PLD5: variants seen among roughly 807,000 people sequenced by gnomAD.
PLD5 encodes phospholipase D family member 5.
Under a neutral mutation model 61.1 loss-of-function variants are expected in PLD5, and 36 were observed. The observed-to-expected ratio is 0.59, with a 90% CI of 0.45 to 0.78. The LOEUF (loss-of-function observed/expected upper bound fraction) is 0.78, where lower values mean the gene tolerates loss of function less well. Among genes scored for constraint, PLD5 ranks in the 30% least tolerant of loss-of-function variants. The pLI, the probability that PLD5 is intolerant of heterozygous loss-of-function variation, is 0.00. For synonymous variants in PLD5, 243 were observed against 242.8 expected (o/e 1.00, Z -0.01); for missense variants, 515 against 644.4 (o/e 0.80, Z 2.17).
At chr1:242,488,619 T>C (rs1273768501) in intron 1 of PLD5, among the ~76,000 whole-genome samples, 1 of 152,164 alleles carries the variant, frequency 6.6e-6, no homozygotes, top group Non-Finnish European at 1.5e-5. Flanking sequence ...ACTATTGTGA[T>C]GGCAGTGAAA....
At chr1:242,437,721 A>G (rs556317202) in intron 1 of PLD5, among the ~76,000 whole-genome samples, 1 of 152,314 alleles carries the variant, frequency 6.6e-6, no homozygotes, top group South Asian at 2.1e-4. Context: ...ACAGCTAATA[A>G]GTACTTACTA....
At chr1:242,383,741 T>C (rs1473270931) in intron 1 of PLD5, among the ~76,000 whole-genome samples, 1 of 152,188 alleles carries the variant, frequency 6.6e-6, no homozygotes, top group African/African-American at 2.4e-5. Context: ...AAGACGAGGC[T>C]GCATTCAGGC....
intron 2 of PLD5, among the ~76,000 whole-genome samples, chr1:242,302,370 G>A (rs139903208): frequency 0.011 from 1,696 of 152,226 alleles, 31 homozygotes; most frequent in African/African-American, 0.038. Flanking sequence ...AAAATGTATT[G>A]TTATTTACTG....
intron 1 of PLD5, among the ~76,000 whole-genome samples, chr1:242,479,427 C>T (rs955070940): frequency 3.3e-5 from 5 of 152,124 alleles, no homozygotes; most frequent in African/African-American, 1.2e-4. Flanking sequence ...GTAGAACTTA[C>T]AGGACCGTTG....
chr1:242,467,206 A>T (rs12058050), intron 1 of PLD5, among the ~76,000 whole-genome samples: 2,457 of 152,306 alleles, frequency 0.016, 69 homozygotes, highest in African/African-American at 0.056. Context: ...ACATTGTAAC[A>T]ATTCTCACTT....
intron 4 of PLD5, among the ~76,000 whole-genome samples, chr1:242,257,884 C>A (rs958911686): frequency 3.9e-5 from 6 of 152,152 alleles, no homozygotes; most frequent in African/African-American, 9.7e-5. Context: ...TCAGTGGGAA[C>A]AAACGCCTGG....
rs575619553 is a variant in PLD5 at position 242,461,402 on chromosome 1, C to G, written c.189+62686G>C. Among the ~76,000 whole-genome samples, 5 of 152,260 alleles carry G rather than the reference C, an allele frequency of 3.3e-5. No homozygotes were observed. In the East Asian group the frequency reaches 9.7e-4, roughly 29 times the overall value. ...ATTATAGTATGCCGTAGCTGGTTCT[C>G]TAAGTCACAGGTCATATGTTCAGGA... On this transcript the variant is annotated intron_variant, in intron 1 of 9. Transcript: ENST00000536534.
rs567984901 is a variant in PLD5, at chr1:242,278,835, G to A, written c.495+9527C>T. Among the ~76,000 whole-genome samples the A allele has an allele frequency of 1.2e-4, 18 of 152,280 alleles. No individual in the cohort carries two copies. In the South Asian group the frequency reaches 3.5e-3, roughly 30 times the overall value. On this transcript the variant is annotated intron_variant, in intron 3 of 9. Transcript: ENST00000536534. ...CATTTTGTTGCCACATTTAAAATGGGAGGATGCTAATTAACAAATAAGCAT... is the reference window on the plus strand; with the variant it reads ...CATTTTGTTGCCACATTTAAAATGGAAGGATGCTAATTAACAAATAAGCAT...
Position 242,278,506 on chromosome 1 carries a change from G to A in PLD5, c.495+9856C>T, listed in dbSNP as rs185037803. On this transcript the variant is annotated intron_variant, in intron 3 of 9. Transcript: ENST00000536534. Reference sequence around the variant, plus strand: ...CATAATCAGGATTACTCAACAGATGGGGAAATGGCAGCATGAAGCAGCAGC... The same window carrying A: ...CATAATCAGGATTACTCAACAGATGAGGAAATGGCAGCATGAAGCAGCAGC... Among the ~76,000 whole-genome samples, 898 of 152,254 alleles carry A rather than the reference G, an allele frequency of 5.9e-3. 7 individuals are homozygous for A. Among genetic ancestry groups the A allele is most frequent in the African/African-American group, 0.02 (827 of 41,522 alleles).
chr1:242,221,432 G>A (rs1404740026), intron 4 of PLD5, among the ~76,000 whole-genome samples: 1 of 152,200 alleles, frequency 6.6e-6, no homozygotes, highest in African/African-American at 2.4e-5. Context: ...AAGACTGTAT[G>A]CAGAAGGATA....
chr1:242,245,582 T>G (rs1672307765), intron 4 of PLD5, among the ~76,000 whole-genome samples: 1 of 152,218 alleles, frequency 6.6e-6, no homozygotes, highest in African/African-American at 2.4e-5. Flanking sequence ...GTCCTATCTC[T>G]GCACACCTCC....
At chr1:242,407,492 G>A (rs1166698646) in intron 1 of PLD5, among the ~76,000 whole-genome samples, 1 of 151,400 alleles carries the variant, frequency 6.6e-6, no homozygotes, top group Non-Finnish European at 1.5e-5. Context: ...CCATACTTCT[G>A]TAGAGATCTC....
At chr1:242,276,760 T>G (rs1338084600) in intron 3 of PLD5, among the ~76,000 whole-genome samples, 1 of 151,954 alleles carries the variant, frequency 6.6e-6, no homozygotes, top group African/African-American at 2.4e-5. Context: ...ACAAGGAATA[T>G]CTGCTTGAAA....
At chr1:242,407,682 C>T (rs751880089) in intron 1 of PLD5, among the ~76,000 whole-genome samples, 9 of 151,494 alleles carry the variant, frequency 5.9e-5, no homozygotes, top group East Asian at 1.9e-4. Context: ...GGGGCTCAAG[C>T]GATTCTCCTG....
At chr1:242,181,689 A>T (rs111737762) in intron 5 of PLD5, among the ~76,000 whole-genome samples, 2,064 of 151,978 alleles carry the variant, frequency 0.014, 48 homozygotes, top group African/African-American at 0.048. Flanking sequence ...TTTGAGACAG[A>T]GTCTCACTCT....
intron 5 of PLD5, among the ~76,000 whole-genome samples, chr1:242,158,066 C>T (rs1295138847): frequency 6.6e-6 from 1 of 152,188 alleles, no homozygotes; most frequent in Non-Finnish European, 1.5e-5. Flanking sequence ...GTGGGCTCCG[C>T]CCAGTTCAAA....
At chr1:242,207,702 C>T (rs1409323925) in intron 5 of PLD5, among the ~76,000 whole-genome samples, 1 of 144,158 alleles carries the variant, frequency 6.9e-6, no homozygotes, top group Non-Finnish European at 1.5e-5. Flanking sequence ...GGACATGCCA[C>T]AATTTCTTCA....
rs141705454 is a variant in PLD5 at position 242,084,812 on chromosome 1, C to G, written c.*5042G>C. 4.2e-3 allele frequency: 541 copies of G among 129,662 alleles called. 7 individuals carry two copies. The highest frequency in any genetic ancestry group is 0.015 in the African/African-American group (516 of 33,546). The allele number at this position is 129,662 out of a possible 1,614,324, so 8.0% of individuals were successfully genotyped here. A position where few individuals can be genotyped will look rare whatever the true frequency, so the allele number is the denominator to read the frequency against. On this transcript the variant is annotated 3_prime_UTR_variant, in exon 10 of 10. Coordinates refer to ENST00000536534, the MANE Select transcript of PLD5 (RefSeq NM_001372062.1). ...AGATAGGTATAGTGTTTCAAAGATG[C>G]CTCCTTGTGTGAATATACAAAACAG...
Position 242,256,997 on chromosome 1 carries a change from C to CATCT in PLD5, c.607+8336_607+8339dup, listed in dbSNP as rs532317501. On this transcript the variant is annotated intron_variant, in intron 4 of 9. Transcript: ENST00000536534. The surrounding 1 kb of genome is among the most constrained non-coding windows in gnomAD (Gnocchi z 5.7). The stretch of plus-strand genomic sequence containing the variant: ...ACCTACCTACCTACCTTCTTTCTAT[C>CATCT]ATCTATCTATCTATCATCTATCTAT... Among the ~76,000 whole-genome samples, 8 of 151,198 alleles carry CATCT rather than the reference C, an allele frequency of 5.3e-5. No homozygotes were observed. Among genetic ancestry groups the CATCT allele is most frequent in the African/African-American group, 7.3e-5 (3 of 41,122 alleles).
Sources: gnomAD v4.1 joint callset for allele counts (sites outside exome capture counted in the v4.1 genomes callset) on GRCh38, gnomAD v4.1.1 for gene constraint, Gnocchi (gnomAD v3.1) non-coding constraint, MANE v1.5 for transcripts, NCBI Gene and HGNC (gene_info 2026-07-23, HGNC 2026-07-21) for gene names.